FGF12: variants seen among roughly 807,000 people sequenced by gnomAD.
FGF12 encodes fibroblast growth factor 12B.
Under a neutral mutation model 23.6 loss-of-function variants are expected in FGF12, and 14 were observed. The ratio of observed to expected loss-of-function variants is 0.59; its 90% CI spans 0.39 to 0.93. The LOEUF is 0.93. Among genes scored for constraint, FGF12 ranks in the 40% least tolerant of loss-of-function variants. The pLI, the probability that FGF12 is intolerant of heterozygous loss-of-function variation, is 0.00. For synonymous variants in FGF12, 62 were observed against 77.3 expected, an observed-to-expected ratio of 0.80 and a Z score of 1.04; for missense variants, 175 against 217.8, an observed-to-expected ratio of 0.80 and a Z score of 1.24.
chr3:192,147,242 A>G (rs1713776820), intron 5 of FGF12, among the ~76,000 whole-genome samples: 1 of 152,248 alleles, frequency 6.6e-6, no homozygotes, highest in Admixed American at 6.5e-5. Context: ...TGTTATTTAC[A>G]GGACCTAGGA....
Position 192,455,444 on chromosome 3 carries a change from A to G in FGF12, c.14-94906T>C, listed in dbSNP as rs139062807. 7.2e-5 allele frequency among the ~76,000 whole-genome samples: 11 copies of G among 152,332 alleles called. 1 individual carries two copies. The East Asian group carries it at 2.1e-3, about 29-fold the overall frequency. ...ATAGTTGCAAGGAAACTCTGCATCA[A>G]CATGGTGTACCTACAGCAGAATAGA... On this transcript the variant is annotated intron_variant, in intron 2 of 5. Transcript: ENST00000445105.
intron 2 of FGF12, among the ~76,000 whole-genome samples, chr3:192,458,441 A>AGG (rs1722750415): frequency 6.6e-6 from 1 of 152,246 alleles, no homozygotes; most frequent in African/African-American, 2.4e-5. Flanking sequence ...CACCTCTTGC[A>AGG]TCAGTGTGAC....
intron 2 of FGF12, among the ~76,000 whole-genome samples, chr3:192,548,017 A>G (rs2108582927): frequency 6.6e-6 from 1 of 152,314 alleles, no homozygotes; most frequent in East Asian, 1.9e-4. Context: ...AAGATTTAAA[A>G]AACTTTCCAA....
chr3:192,565,240 A>G (rs1712221430), intron 2 of FGF12, among the ~76,000 whole-genome samples: 1 of 152,258 alleles, frequency 6.6e-6, no homozygotes, highest in African/African-American at 2.4e-5. Context: ...ATCTTATCAA[A>G]TTACTACAAC....
intron 2 of FGF12, among the ~76,000 whole-genome samples, chr3:192,389,186 C>T (rs577232905): frequency 1.3e-5 from 2 of 152,258 alleles, no homozygotes; most frequent in South Asian, 2.1e-4. Context: ...ATGGCGAAAC[C>T]CCATCTCTAC....
chr3:192,722,990 G>A (rs7614462), intron 2 of FGF12, among the ~76,000 whole-genome samples: 53,666 of 151,918 alleles, frequency 0.35, 12,010 homozygotes, highest in African/African-American at 0.62. Flanking sequence ...AGGGACAAAC[G>A]AGTACTTAGG....
chr3:192,270,945 T>C (rs186418962), intron 4 of FGF12, among the ~76,000 whole-genome samples: 3 of 152,250 alleles, frequency 2.0e-5, no homozygotes, highest in Non-Finnish European at 4.4e-5. Flanking sequence ...TTAAATTGAT[T>C]TGATATGTAG....
At chr3:192,544,314 T>C (rs535271718) in intron 2 of FGF12, among the ~76,000 whole-genome samples, 18 of 152,360 alleles carry the variant, frequency 1.2e-4, no homozygotes, top group African/African-American at 4.1e-4. Context: ...AGTGCCTCTT[T>C]AAGCAATATG....
chr3:192,531,123 T>A (rs996342556), intron 2 of FGF12, among the ~76,000 whole-genome samples: 1 of 152,244 alleles, frequency 6.6e-6, no homozygotes, highest in African/African-American at 2.4e-5. Flanking sequence ...TGCAGTTTAA[T>A]GTTTTAAAAC....
chr3:192,494,460 T>C (rs1723888367), intron 2 of FGF12, among the ~76,000 whole-genome samples: 1 of 152,186 alleles, frequency 6.6e-6, no homozygotes, highest in Non-Finnish European at 1.5e-5. Context: ...CATCAGACCA[T>C]CATATCCTAC....
At chr3:192,511,269 A>G (rs1441675518) in intron 2 of FGF12, among the ~76,000 whole-genome samples, 1 of 151,570 alleles carries the variant, frequency 6.6e-6, no homozygotes, top group Non-Finnish European at 1.5e-5. Context: ...TACTATTACT[A>G]CTACTGTAGG....
At chr3:192,638,358 C>T (rs556321042) in intron 2 of FGF12, among the ~76,000 whole-genome samples, 87 of 152,248 alleles carry the variant, frequency 5.7e-4, no homozygotes, top group Admixed American at 1.8e-3. Flanking sequence ...AAGATTCTTT[C>T]TTTTGATTCT....
At chr3:192,490,249 T>G (rs1407471292) in intron 2 of FGF12, among the ~76,000 whole-genome samples, 1 of 152,108 alleles carries the variant, frequency 6.6e-6, no homozygotes, top group East Asian at 1.9e-4. Context: ...TTCTCTGAAT[T>G]CTCTCTGTGG....
chr3:192,633,292 T>A (rs1473031507), intron 2 of FGF12, among the ~76,000 whole-genome samples: 1 of 152,092 alleles, frequency 6.6e-6, no homozygotes, highest in East Asian at 1.9e-4. Context: ...GTGATCCGCC[T>A]GCCTCTGCCT....
At position 192,661,296 on chromosome 3, in the gene FGF12, C is replaced by A. The variant is rs1167082449; in HGVS notation, c.13+65885G>T. ...CAGCACTTTGGGAGGCCAAGGCGGG[C>A]GGATCACTTGAGGTCAGGAGTTTGA... On this transcript the variant is annotated intron_variant, in intron 2 of 5. Transcript: ENST00000445105. Among the ~76,000 whole-genome samples the A allele has an allele frequency of 2.0e-5, 3 of 152,148 alleles. 1 individual carries two copies. The highest frequency in any genetic ancestry group is 4.1e-4 in the South Asian group (2 of 4,836).
At chr3:192,311,401 T>C (rs1715924708) in intron 4 of FGF12, among the ~76,000 whole-genome samples, 1 of 152,206 alleles carries the variant, frequency 6.6e-6, no homozygotes. Context: ...ATAAAGTATA[T>C]CTTTTGTGAC....
chr3:192,202,514 T>C (rs550376692), intron 4 of FGF12, among the ~76,000 whole-genome samples: 207 of 152,378 alleles, frequency 1.4e-3, no homozygotes, highest in African/African-American at 4.9e-3. Flanking sequence ...CTTTCTGTTT[T>C]CATACAACAC....
intron 2 of FGF12, among the ~76,000 whole-genome samples, chr3:192,710,766 AGT>A (rs1718636674): frequency 6.6e-6 from 1 of 152,206 alleles, no homozygotes. Context: ...TATTCTTTGT[AGT>A]GGATAGAGCA....
intron 4 of FGF12, among the ~76,000 whole-genome samples, chr3:192,323,675 T>G (rs968259004): frequency 2.0e-5 from 3 of 152,170 alleles, no homozygotes; most frequent in Non-Finnish European, 4.4e-5. Flanking sequence ...CTAATGTACA[T>G]TTTAAATTAC....
Sources: allele counts gnomAD v4.1 joint callset (sites outside exome capture counted in the v4.1 genomes callset), GRCh38; gene constraint gnomAD v4.1.1; transcripts MANE v1.5; gene names NCBI Gene and HGNC (gene_info 2026-07-23, HGNC 2026-07-21).